Variants in IKZF2 observed in about 807,000 individuals in gnomAD.
IKZF2 encodes zinc finger protein Helios.
In IKZF2, 15 loss-of-function variants were observed where a neutral mutation model predicts 49.2. The observed-to-expected ratio is 0.30, with a 90% CI of 0.20 to 0.47. IKZF2 has a LOEUF of 0.47. Among genes scored for constraint, IKZF2 ranks in the 20% least tolerant of loss-of-function variants. The probability of loss-of-function intolerance (pLI) is 1.00; values close to 1 mark genes in which losing one functional copy is unlikely to be tolerated. For missense variants in IKZF2, 567 were observed against 664.6 expected, an observed-to-expected ratio of 0.85 and a Z score of 1.61; for synonymous variants, 227 against 221.4, an observed-to-expected ratio of 1.03 and a Z score of -0.23.
At chr2:213,126,420 A>T (rs538103248) in intron 4 of IKZF2, among the ~76,000 whole-genome samples, 1 of 152,278 alleles carries the variant, frequency 6.6e-6, no homozygotes, top group East Asian at 1.9e-4. Context: ...ACCGGTAATA[A>T]ATAAACATTA....
intron 4 of IKZF2, among the ~76,000 whole-genome samples, chr2:213,058,297 A>C (rs981322194): frequency 5.3e-5 from 8 of 152,070 alleles, no homozygotes; most frequent in Non-Finnish European, 1.5e-5. Flanking sequence ...ATGAACTCAG[A>C]TTACTGAATA....
At chr2:213,031,583 TTTAAG>T (rs1253054036) in intron 6 of IKZF2, among the ~76,000 whole-genome samples, 1 of 152,208 alleles carries the variant, frequency 6.6e-6, no homozygotes, top group African/African-American at 2.4e-5. Flanking sequence ...TTTCTATCAC[TTTAAG>T]TTAACACATT....
At chr2:213,143,820 C>A (rs1383647587) in intron 4 of IKZF2, among the ~76,000 whole-genome samples, 1 of 151,902 alleles carries the variant, frequency 6.6e-6, no homozygotes, top group Non-Finnish European at 1.5e-5. Flanking sequence ...TATCACTCCA[C>A]CCTCATAATA....
At chr2:213,138,527 T>C (rs1038732043) in intron 4 of IKZF2, among the ~76,000 whole-genome samples, 1 of 152,022 alleles carries the variant, frequency 6.6e-6, no homozygotes, top group Non-Finnish European at 1.5e-5. Flanking sequence ...AACAGACATA[T>C]GTAATATGCT....
chr2:213,052,179 AT>A (rs567531245), intron 5 of IKZF2, among the ~76,000 whole-genome samples: 61 of 152,120 alleles, frequency 4.0e-4, no homozygotes, highest in African/African-American at 1.4e-3. Flanking sequence ...TTACTTCTGA[AT>A]TTATATGATC....
Position 213,058,536 on chromosome 2 carries a change from A to T in IKZF2, c.140-1437T>A, listed in dbSNP as rs117781342. Among the ~76,000 whole-genome samples, 84 of 151,754 alleles carry T rather than the reference A, an allele frequency of 5.5e-4. 2 individuals are homozygous for T. In the East Asian group the frequency reaches 0.016, roughly 29 times the overall value. On this transcript the variant is annotated intron_variant, in intron 4 of 8. Transcript: ENST00000434687. ...AGATCAATCAACTTATGGTACATAA[A>T]CTACTCTGAGATCTACAAAGTGATA...
At chr2:213,100,887 T>C (rs1236817228) in intron 4 of IKZF2, among the ~76,000 whole-genome samples, 1 of 152,088 alleles carries the variant, frequency 6.6e-6, no homozygotes, top group Non-Finnish European at 1.5e-5. Context: ...ACAGAACAGA[T>C]AATACTTTCT....
At chr2:213,088,482 G>A (rs1704923301) in intron 4 of IKZF2, among the ~76,000 whole-genome samples, 3 of 152,160 alleles carry the variant, frequency 2.0e-5, no homozygotes, top group African/African-American at 4.8e-5. Flanking sequence ...TTCCTGGCCT[G>A]GCACAGTGGC....
upstream of IKZF2, chr2:213,152,063 AC>A (rs1452727847): frequency 6.6e-6 from 1 of 151,862 alleles, no homozygotes; most frequent in Non-Finnish European, 1.5e-5. Context: ...GGGCCAGGTA[AC>A]CCGCTTCCGA....
intron 4 of IKZF2, among the ~76,000 whole-genome samples, chr2:213,068,754 A>G (rs142212432): frequency 0.011 from 1,705 of 152,194 alleles, 28 homozygotes; most frequent in African/African-American, 0.039. Flanking sequence ...ATACATATGC[A>G]TAGTAATATA....
chr2:213,150,003 C>T, intron 2 of IKZF2, 141 bp downstream of exon 2: 2 of 384,048 alleles, frequency 5.2e-6, no homozygotes, highest in Non-Finnish European at 1.0e-5. Flanking sequence ...AAAATGTACA[C>T]ATTTAACACA....
chr2:213,077,938 A>G (rs1703464586), intron 4 of IKZF2, among the ~76,000 whole-genome samples: 1 of 152,136 alleles, frequency 6.6e-6, no homozygotes, highest in Non-Finnish European at 1.5e-5. Flanking sequence ...TTTGGAAGAT[A>G]AAATTCTATC....
chr2:213,147,898 A>G, intron 3 of IKZF2, 86 bp from the exon 4 acceptor site: 2 of 877,548 alleles, frequency 2.3e-6, no homozygotes, highest in Non-Finnish European at 3.8e-6. Context: ...ACGCAATGGC[A>G]TGCATAGCCT....
At chr2:213,015,970 T>C (rs1225627949) in intron 7 of IKZF2, among the ~76,000 whole-genome samples, 3 of 152,062 alleles carry the variant, frequency 2.0e-5, no homozygotes, top group Non-Finnish European at 4.4e-5. Context: ...GTGTGGGAAC[T>C]GTCCCACACC....
upstream of IKZF2, chr2:213,151,639 A>T (rs1474878438): frequency 6.6e-6 from 1 of 151,772 alleles, no homozygotes; most frequent in Non-Finnish European, 1.5e-5. Context: ...AACCCCGAGA[A>T]ACCGATCCGG....
intron 4 of IKZF2, among the ~76,000 whole-genome samples, chr2:213,104,938 A>T (rs1002048367): frequency 6.6e-6 from 1 of 152,166 alleles, no homozygotes; most frequent in Non-Finnish European, 1.5e-5. Flanking sequence ...GGGCCAACCC[A>T]TTTATAACTA....
At chr2:213,047,665 C>T (rs1414461411) in intron 6 of IKZF2, among the ~76,000 whole-genome samples, 2 of 151,976 alleles carry the variant, frequency 1.3e-5, no homozygotes, top group Admixed American at 1.3e-4. Flanking sequence ...GCTAAATAAA[C>T]AGGGACTGGC....
intron 4 of IKZF2, among the ~76,000 whole-genome samples, chr2:213,066,722 T>C (rs1702200548): frequency 6.6e-6 from 1 of 152,098 alleles, no homozygotes; most frequent in African/African-American, 2.4e-5. Flanking sequence ...GTTGTTCTTC[T>C]TCTTTACAAT....
In IKZF2 at chr2:213,002,188, T is replaced by A. The variant is rs1694960668; in HGVS notation, c.*5172A>T. 1 of 151,446 alleles carries A rather than the reference T, an allele frequency of 6.6e-6. No homozygotes were observed. The highest frequency in any genetic ancestry group is 1.5e-5 in the Non-Finnish European group (1 of 67,528). 9.4% of individuals were successfully genotyped at this position (151,446 alleles called of 1,614,324 possible). A position where few individuals can be genotyped will look rare whatever the true frequency, so the allele number is the denominator to read the frequency against. ...TTTTATTCACAATAAAAAGGACATCTTAGAAAACTAGTCATTCATGTACCA... is the reference window on the plus strand; with the variant it reads ...TTTTATTCACAATAAAAAGGACATCATAGAAAACTAGTCATTCATGTACCA... On this transcript the variant is annotated 3_prime_UTR_variant, in exon 9 of 9. Transcript: ENST00000434687.
Sources: gnomAD v4.1 joint callset for allele counts (sites outside exome capture counted in the v4.1 genomes callset) on GRCh38, gnomAD v4.1.1 for gene constraint, MANE v1.5 for transcripts, NCBI Gene and HGNC (gene_info 2026-07-23, HGNC 2026-07-21) for gene names.